The following MARK1 variants were observed in gnomAD, a reference collection of about 807,000 sequenced individuals.
The protein encoded by MARK1 is microtubule affinity regulating kinase 1, also known as serine/threonine-protein kinase MARK1.
A neutral mutation model predicts 96.3 loss-of-function variants in MARK1; 40 were observed. The observed-to-expected ratio is 0.42, with a 90% confidence interval of 0.32 to 0.54. The LOEUF is 0.54. Among genes scored for constraint, MARK1 ranks in the 20% least tolerant of loss-of-function variants. MARK1 has a pLI of 0.16. For missense variants in MARK1, 719 were observed against 984.6 expected (o/e 0.73, Z 3.61); for synonymous variants, 317 against 341.2 (o/e 0.93, Z 0.78).
chr1:220,627,517 G>A (rs77177484), intron 9 of MARK1: 7,386 of 386,868 alleles, frequency 0.019, 145 homozygotes, highest in Middle Eastern at 0.068. Flanking sequence ...CAGATTTTAT[G>A]CTTTCTATTT....
At chr1:220,586,011 A>ACACACGCGCACGCG (rs112968910) in intron 3 of MARK1, among the ~76,000 whole-genome samples, 3 of 148,536 alleles carry the variant, frequency 2.0e-5, no homozygotes, top group Non-Finnish European at 1.5e-5. Flanking sequence ...ACACACACAC[A>ACACACGCGCACGCG]CGCGCGCGTG....
chr1:220,594,387 T>C (rs1665188735), intron 3 of MARK1, among the ~76,000 whole-genome samples: 1 of 152,196 alleles, frequency 6.6e-6, no homozygotes. Flanking sequence ...GCTGGCAAGT[T>C]TGTGGAGCAA....
intron 1 of MARK1, among the ~76,000 whole-genome samples, chr1:220,530,330 A>G (rs955465405): frequency 6.6e-6 from 1 of 152,204 alleles, no homozygotes; most frequent in Admixed American, 6.5e-5. Context: ...TTTGATTGAG[A>G]GATTGAACAA....
At chr1:220,644,529 A>G (rs1409659754) in intron 13 of MARK1, among the ~76,000 whole-genome samples, 1 of 147,842 alleles carries the variant, frequency 6.8e-6, no homozygotes, top group African/African-American at 2.4e-5. Flanking sequence ...TCACCGAGAC[A>G]GAAGATTAAC....
intron 1 of MARK1, among the ~76,000 whole-genome samples, chr1:220,542,755 CTCTCT>C (rs1478361846): frequency 6.6e-6 from 1 of 152,142 alleles, no homozygotes; most frequent in Non-Finnish European, 1.5e-5. Context: ...GTCTCTCTTA[CTCTCT>C]TATAGTTCAG....
intron 11 of MARK1, 52 bp from the exon 12 acceptor site, chr1:220,635,324 C>CTT (rs71794752): frequency 5.0e-4 from 578 of 1,153,796 alleles, no homozygotes; most frequent in South Asian, 8.8e-4. Flanking sequence ...TTTGTGCAAA[C>CTT]TTTTTTTTTT....
chr1:220,647,528 C>T (rs1668647379), intron 13 of MARK1, among the ~76,000 whole-genome samples: 1 of 152,122 alleles, frequency 6.6e-6, no homozygotes, highest in African/African-American at 2.4e-5. Context: ...TTTGACCCAG[C>T]AATCCCATTA....
intron 1 of MARK1, among the ~76,000 whole-genome samples, chr1:220,567,035 G>C (rs1334977670): frequency 6.6e-6 from 1 of 152,004 alleles, no homozygotes; most frequent in African/African-American, 2.4e-5. Context: ...CTAGTCCTTA[G>C]TATCTTGAGT....
chr1:220,566,747 A>C (rs1215398082), intron 1 of MARK1, among the ~76,000 whole-genome samples: 1 of 152,176 alleles, frequency 6.6e-6, no homozygotes, highest in Admixed American at 6.6e-5. Context: ...TTGCTTAGAA[A>C]GTAGGTAAGT....
In MARK1 at chr1:220,652,105, T is replaced by G; in HGVS notation, c.1691T>G (p.Val564Gly). 1 of 1,613,318 alleles carries G rather than the reference T, an allele frequency of 6.2e-7. No homozygotes were observed. The highest frequency in any genetic ancestry group is 8.5e-7 in the Non-Finnish European group (1 of 1,179,426). The part of the protein sequence containing the change: ...SMSTSGHPIK[V>G]TLPTIKDGSE... ...TCCACTTCTGGTCATCCTATTAAAG[T>G]CACACTGCCAACCATTAAAGACGGC... The change falls in exon 15 of 18, where the codon GTC becomes GGC. Residue 564 changes from valine to glycine, a missense_variant. This residue lies in a region of MARK1 where 501 missense variants were observed against 588.3 expected (regional missense o/e 0.85). Transcript: ENST00000366917.
At chr1:220,555,338 A>G (rs1662169825) in intron 1 of MARK1, among the ~76,000 whole-genome samples, 1 of 152,222 alleles carries the variant, frequency 6.6e-6, no homozygotes, top group Non-Finnish European at 1.5e-5. Flanking sequence ...GACTTAATTT[A>G]TGTCTCAGTT....
intron 6 of MARK1, among the ~76,000 whole-genome samples, chr1:220,610,342 G>A (rs534870318): frequency 1.4e-4 from 21 of 151,998 alleles, no homozygotes; most frequent in African/African-American, 5.1e-4. Context: ...TGATCGAATC[G>A]GCTATTGAAG....
At chr1:220,550,145 C>T (rs113409448) in intron 1 of MARK1, among the ~76,000 whole-genome samples, 1 of 152,196 alleles carries the variant, frequency 6.6e-6, no homozygotes, top group Admixed American at 6.5e-5. Flanking sequence ...TGGAATCTCT[C>T]TCTTGAGACT....
At chr1:220,615,578 A>G (rs1455392057) in intron 6 of MARK1, among the ~76,000 whole-genome samples, 1 of 152,178 alleles carries the variant, frequency 6.6e-6, no homozygotes, top group Non-Finnish European at 1.5e-5. Context: ...ATACTAATTC[A>G]TGTGTGCCAA....
rs764556245 is a variant in MARK1, at chr1:220,662,115, T to A, written c.2337T>A (p.Ser779=). The A allele has an allele frequency of 2.5e-6, 4 of 1,613,940 alleles. No individual in the cohort carries two copies. The highest frequency in any genetic ancestry group is 3.4e-6 in the Non-Finnish European group (4 of 1,180,026). Residue 779 remains serine, a synonymous_variant, in exon 18 of 18, where the codon TCT becomes TCA. Transcript: ENST00000366917. ...GVRFKRISGT[S]IAFKNIASKI... is the part of the protein sequence containing the mutation. ...GCTTCAAGCGAATATCTGGGACATCTATTGCCTTTAAGAACATTGCATCAA... is the reference window on the plus strand; with the variant it reads ...GCTTCAAGCGAATATCTGGGACATCAATTGCCTTTAAGAACATTGCATCAA...
intron 1 of MARK1, among the ~76,000 whole-genome samples, chr1:220,544,584 A>C (rs563629859): frequency 6.6e-6 from 1 of 152,212 alleles, no homozygotes; most frequent in Non-Finnish European, 1.5e-5. Flanking sequence ...ATTTTTGTTC[A>C]TTATAAATTA....
At chr1:220,537,434 T>A (rs532186525) in intron 1 of MARK1, among the ~76,000 whole-genome samples, 2 of 151,984 alleles carry the variant, frequency 1.3e-5, no homozygotes, top group South Asian at 4.2e-4. Flanking sequence ...TTTTTATGGC[T>A]GCATAGTATT....
intron 13 of MARK1, among the ~76,000 whole-genome samples, chr1:220,644,937 G>A (rs1558320238): frequency 1.3e-5 from 2 of 152,204 alleles, no homozygotes; most frequent in East Asian, 3.9e-4. Flanking sequence ...AATGGTAAGA[G>A]GGAAATTTAT....
chr1:220,627,374 G>A, intron 9 of MARK1: 1 of 485,294 alleles, frequency 2.1e-6, no homozygotes, highest in Non-Finnish European at 4.3e-6. Context: ...GAAGAGCAAA[G>A]TCACAGAAGA....
Sources: allele counts gnomAD v4.1 joint callset (sites outside exome capture counted in the v4.1 genomes callset), GRCh38; gene constraint gnomAD v4.1.1; regional missense constraint gnomAD v4.1.1; transcripts MANE v1.5; gene names NCBI Gene and HGNC (gene_info 2026-07-23, HGNC 2026-07-21).